The following ARHGEF10L variants were observed in gnomAD, a reference collection of about 807,000 sequenced individuals.
ARHGEF10L encodes the protein Rho guanine nucleotide exchange factor 10 like, also known as rho guanine nucleotide exchange factor 10-like protein.
In ARHGEF10L, 69 loss-of-function variants were observed where a neutral mutation model predicts 141.2. The observed-to-expected ratio is 0.49, with a 90% confidence interval of 0.40 to 0.60. The LOEUF is 0.60. Ranked by LOEUF, ARHGEF10L falls within the 20% of genes least tolerant of loss-of-function variation. ARHGEF10L has a pLI of 0.00. For synonymous variants in ARHGEF10L, 711 were observed against 718.5 expected (o/e 0.99, Z 0.17); for missense variants, 1,482 against 1,734.3 (o/e 0.85, Z 2.58).
At chr1:17,549,468 G>A (rs1018532838) in intron 1 of ARHGEF10L, among the ~76,000 whole-genome samples, 1 of 152,182 alleles carries the variant, frequency 6.6e-6, no homozygotes, top group Non-Finnish European at 1.5e-5. Flanking sequence ...GGGTGTATGT[G>A]GGGGTGGGGG....
intron 4 of ARHGEF10L, among the ~76,000 whole-genome samples, chr1:17,600,571 T>A (rs535961855): frequency 1.3e-5 from 2 of 152,304 alleles, no homozygotes; most frequent in South Asian, 4.1e-4. Flanking sequence ...GAGACCTACG[T>A]TGGCACATTA....
chr1:17,671,281 G>A (rs1024476507), intron 26 of ARHGEF10L, among the ~76,000 whole-genome samples: 6 of 151,958 alleles, frequency 3.9e-5, no homozygotes, highest in Admixed American at 2.0e-4. Context: ...AGTTAGGGAA[G>A]TGTCCTGGGA....
the ARHGEF10L span, among the ~76,000 whole-genome samples, chr1:17,514,265 A>G: frequency 4.1e-5 from 6 of 148,110 alleles, no homozygotes; most frequent in African/African-American, 1.5e-4. Flanking sequence ...CCTCCCGAGT[A>G]GCTGAGATTA....
chr1:17,590,144 G>A (rs970725708), intron 4 of ARHGEF10L, among the ~76,000 whole-genome samples: 29 of 152,096 alleles, frequency 1.9e-4, no homozygotes, highest in African/African-American at 7.0e-4. Context: ...AGAGACCAAG[G>A]CCCCTCTGAC....
intron 1 of ARHGEF10L, among the ~76,000 whole-genome samples, chr1:17,564,725 A>T (rs2077680215): frequency 6.6e-6 from 1 of 152,092 alleles, no homozygotes; most frequent in Non-Finnish European, 1.5e-5. Context: ...CCTGTCTCAG[A>T]GGGTTTTTAG....
At chr1:17,640,353 GGAGGTTTGGGGTGAGT>G in intron 21 of ARHGEF10L, 51 bp downstream of exon 21, 1 of 1,509,348 alleles carries the variant, frequency 6.6e-7, no homozygotes, top group Non-Finnish European at 9.1e-7. Context: ...TGTGGAACGG[GGAGGTTTGGGGTGAGT>G]GAGGGTACAG....
At chr1:17,661,257 T>G (rs986913516) in intron 25 of ARHGEF10L, among the ~76,000 whole-genome samples, 13 of 152,172 alleles carry the variant, frequency 8.5e-5, no homozygotes, top group African/African-American at 2.9e-4. Flanking sequence ...TTTGTATTTT[T>G]AATAGAGAAG....
intron 18 of ARHGEF10L, 131 bp downstream of exon 18, chr1:17,635,147 A>G: frequency 8.5e-7 from 1 of 1,170,482 alleles, no homozygotes; most frequent in East Asian, 2.6e-5. Flanking sequence ...TTGGCCAGGA[A>G]GCTCTTGCTG....
intron 25 of ARHGEF10L, among the ~76,000 whole-genome samples, chr1:17,660,510 G>GTGA (rs1285999574): frequency 6.6e-6 from 1 of 152,224 alleles, no homozygotes; most frequent in Non-Finnish European, 1.5e-5. Context: ...CTTTATCACA[G>GTGA]TCATCATCAT....
chr1:17,671,904 G>A (rs1571430806), intron 26 of ARHGEF10L, among the ~76,000 whole-genome samples: 2 of 152,332 alleles, frequency 1.3e-5, no homozygotes, highest in East Asian at 3.9e-4. Flanking sequence ...GGTGGTTAAG[G>A]CCAGAAGCCC....
chr1:17,653,454 TG>T (rs992048893), intron 22 of ARHGEF10L, among the ~76,000 whole-genome samples: 167 of 152,270 alleles, frequency 1.1e-3, no homozygotes, highest in African/African-American at 3.9e-3. Context: ...GGAGTTGCCA[TG>T]GAAATGCCTC....
chr1:17,657,093 C>T (rs147902438), intron 25 of ARHGEF10L, among the ~76,000 whole-genome samples: 20 of 152,308 alleles, frequency 1.3e-4, no homozygotes, highest in African/African-American at 4.8e-4. Context: ...GTGCCCACCA[C>T]TCATGGGTCC....
At chr1:17,529,012 T>C in the ARHGEF10L span, among the ~76,000 whole-genome samples, 1 of 152,040 alleles carries the variant, frequency 6.6e-6, no homozygotes, top group Admixed American at 6.6e-5. Flanking sequence ...TTTGTTTTGT[T>C]TTGTTTTTTG....
intron 1 of ARHGEF10L, among the ~76,000 whole-genome samples, chr1:17,542,636 G>A (rs563424104): frequency 7.9e-5 from 12 of 152,310 alleles, no homozygotes; most frequent in African/African-American, 2.9e-4. Flanking sequence ...AAAAGATAAA[G>A]TAAATGATAT....
Position 17,575,847 on chromosome 1 carries a change from C to T in ARHGEF10L, c.-43-4706C>T, listed in dbSNP as rs115672083. ...GACCAGCCCAAGCACCTGGTCTTTC[C>T]CCCCATTCCCCACCTTCTTTCTGCT... is the stretch of plus-strand genomic sequence containing the variant. On this transcript the variant is annotated intron_variant, in intron 1 of 28. Coordinates refer to ENST00000361221, the MANE Select transcript of ARHGEF10L (RefSeq NM_018125.4). Among the ~76,000 whole-genome samples, 476 of 152,282 alleles carry T rather than the reference C, an allele frequency of 3.1e-3. 5 individuals carry two copies. The highest frequency in any genetic ancestry group is 0.011 in the African/African-American group (457 of 41,562).
At chr1:17,533,543 C>T in the ARHGEF10L span, among the ~76,000 whole-genome samples, 4 of 152,124 alleles carry the variant, frequency 2.6e-5, no homozygotes, top group African/African-American at 7.2e-5. Flanking sequence ...TACTAAGTCC[C>T]GTAAAGGAGC....
At chr1:17,601,881 G>T (rs1367909610) in intron 4 of ARHGEF10L, among the ~76,000 whole-genome samples, 1 of 152,202 alleles carries the variant, frequency 6.6e-6, no homozygotes, top group Non-Finnish European at 1.5e-5. Flanking sequence ...GAGAGTGCTT[G>T]GTGCTTATCA....
At chr1:17,595,402 G>A (rs1395023977) in intron 4 of ARHGEF10L, among the ~76,000 whole-genome samples, 1 of 152,086 alleles carries the variant, frequency 6.6e-6, no homozygotes, top group African/African-American at 2.4e-5. Flanking sequence ...GAGGTGCATT[G>A]CCACAGAGCA....
Position 17,596,156 on chromosome 1 carries a change from C to G in ARHGEF10L, c.258-5971C>G, listed in dbSNP as rs565399912. Among the ~76,000 whole-genome samples the G allele has an allele frequency of 5.3e-5, 8 of 152,336 alleles. No individual in the cohort carries two copies. The East Asian group carries it at 1.5e-3, about 29-fold the overall frequency. The stretch of plus-strand genomic sequence containing the variant: ...AGAGTCTCTGGGGCGGGGGCCCTGG[C>G]GCCCACATCTTCTAGGGGCGCCCTG... On this transcript the variant is annotated intron_variant, in intron 4 of 28. Coordinates refer to ENST00000361221, the MANE Select transcript of ARHGEF10L (RefSeq NM_018125.4).
Sources: gnomAD v4.1 joint callset for allele counts (sites outside exome capture counted in the v4.1 genomes callset) on GRCh38, gnomAD v4.1.1 for gene constraint, MANE v1.5 for transcripts, NCBI Gene and HGNC (gene_info 2026-07-23, HGNC 2026-07-21) for gene names.